The following NFATC3 variants were observed in gnomAD, a reference collection of about 807,000 sequenced individuals.
NFATC3 encodes the protein nuclear factor of activated T cells 3, also known as nuclear factor of activated T-cells, cytoplasmic 3.
In NFATC3, 46 loss-of-function variants were observed where a neutral mutation model predicts 98.6. That is an observed-to-expected ratio of 0.47 (90% CI 0.37 to 0.60). The LOEUF is 0.60. NFATC3 is among the 20% of genes least tolerant of loss of function. The pLI is 0.00. For missense variants in NFATC3, 1,256 were observed against 1,295.5 expected, an observed-to-expected ratio of 0.97 and a Z score of 0.47; for synonymous variants, 512 against 472.2, an observed-to-expected ratio of 1.08 and a Z score of -1.09.
intron 5 of NFATC3, among the ~76,000 whole-genome samples, chr16:68,173,212 ATC>A (rs2039545059): frequency 6.6e-6 from 1 of 151,992 alleles, no homozygotes; most frequent in South Asian, 2.1e-4. Flanking sequence ...CAGTGAGCTG[ATC>A]ATGCCACACT....
chr16:68,170,886 C>CTT (rs34579856), intron 5 of NFATC3, among the ~76,000 whole-genome samples: 27,963 of 152,038 alleles, frequency 0.18, 2,929 homozygotes, highest in African/African-American at 0.28. Flanking sequence ...AGTTTTATAT[C>CTT]GTTTTGCAGT....
intron 9 of NFATC3, among the ~76,000 whole-genome samples, chr16:68,222,072 T>C (rs902184526): frequency 9.9e-5 from 15 of 151,554 alleles, no homozygotes; most frequent in African/African-American, 3.6e-4. Flanking sequence ...GGAGGATCAC[T>C]TGAGTCCAGG....
rs971156654 is a variant in NFATC3 at position 68,170,112 on chromosome 16, G to T, written c.1774+3097G>T. Reference sequence around the variant, plus strand: ...GAGAATATAGAAAATGCAAAATGGGGCTGGGCATGGTGGCTCACGCCTGTA... The same window carrying T: ...GAGAATATAGAAAATGCAAAATGGGTCTGGGCATGGTGGCTCACGCCTGTA... On this transcript the variant is annotated intron_variant, in intron 5 of 9. Transcript: ENST00000346183. 2.6e-4 allele frequency among the ~76,000 whole-genome samples: 39 copies of T among 151,844 alleles called. 1 individual carries two copies. Among genetic ancestry groups the T allele is most frequent in the Admixed American group, 4.6e-4 (7 of 15,228 alleles).
In NFATC3 at chr16:68,191,476, G is replaced by C. The variant is rs751108001; in HGVS notation, c.2807G>C (p.Ser936Thr). 1 of 1,614,106 alleles carries C rather than the reference G, an allele frequency of 6.2e-7. No individual in the cohort carries two copies. Among genetic ancestry groups the C allele is most frequent in the East Asian group, 2.2e-5 (1 of 44,886 alleles). ...CCAGCAGCTTCTCATCCCTTGGCTA[G>C]TTCACCGCTTTCTGGGCCACCATCT... ...ASPAASHPLA[S>T]SPLSGPPSPQ... The change falls in exon 9 of 10, where the codon AGT (serine) becomes ACT (threonine). Residue 936 changes from serine to threonine, a missense_variant. Ser to Thr is a moderately conservative substitution (Grantham distance 58). Around this residue, in one of 3 missense-constraint regions of NFATC3, gnomAD observed 636 missense variants for 617.3 expected, o/e 1.03. Transcript: ENST00000346183.
chr16:68,099,457 C>T (rs1024757289), intron 1 of NFATC3, among the ~76,000 whole-genome samples: 3 of 151,436 alleles, frequency 2.0e-5, no homozygotes, highest in Non-Finnish European at 2.9e-5. Flanking sequence ...ATATATTAGC[C>T]GGGCATGGTG....
At chr16:68,150,424 A>G (rs962034690) in intron 3 of NFATC3, among the ~76,000 whole-genome samples, 2 of 151,212 alleles carry the variant, frequency 1.3e-5, no homozygotes, top group African/African-American at 4.9e-5. Context: ...AAAAAAAAAA[A>G]AAAAAAAAAA....
chr16:68,217,787 A>G (rs1216890328), intron 9 of NFATC3: 2 of 1,231,524 alleles, frequency 1.6e-6, no homozygotes, highest in African/African-American at 1.6e-5. Flanking sequence ...AGGGAGGAAG[A>G]AGGAGGCCAA....
At chr16:68,088,439 T>C (rs1186638218) in intron 1 of NFATC3, among the ~76,000 whole-genome samples, 1 of 146,208 alleles carries the variant, frequency 6.8e-6, no homozygotes, top group Non-Finnish European at 1.5e-5. Context: ...TCATATACTA[T>C]ATAATATATA....
chr16:68,154,810 G>A (rs1474424157), intron 3 of NFATC3, among the ~76,000 whole-genome samples: 1 of 152,224 alleles, frequency 6.6e-6, no homozygotes, highest in Non-Finnish European at 1.5e-5. Flanking sequence ...TTCAGCCAGG[G>A]CCCTAATCAC....
chr16:68,096,059 A>G (rs1255523691), intron 1 of NFATC3, among the ~76,000 whole-genome samples: 1 of 152,126 alleles, frequency 6.6e-6, no homozygotes, highest in African/African-American at 2.4e-5. Context: ...TCAATCATAG[A>G]TCACTGCAGT....
chr16:68,219,348 A>T (rs889223960), intron 9 of NFATC3, among the ~76,000 whole-genome samples: 1 of 152,028 alleles, frequency 6.6e-6, no homozygotes, highest in Admixed American at 6.6e-5. Context: ...ATGCCACTGC[A>T]CTCCAGCCTA....
chr16:68,220,875 C>T (rs1467500158), intron 9 of NFATC3, among the ~76,000 whole-genome samples: 2 of 151,052 alleles, frequency 1.3e-5, no homozygotes, highest in African/African-American at 2.4e-5. Flanking sequence ...GCTGAGATTG[C>T]GCCACCGCAC....
intron 3 of NFATC3, chr16:68,138,495 T>C (rs1445511724): frequency 7.9e-7 from 1 of 1,263,576 alleles, no homozygotes; most frequent in African/African-American, 1.6e-5. Flanking sequence ...GCATTTTCTT[T>C]CAAATTGTTG....
chr16:68,182,702 A>G (rs566715814), intron 7 of NFATC3, among the ~76,000 whole-genome samples: 1 of 151,994 alleles, frequency 6.6e-6, no homozygotes, highest in East Asian at 1.9e-4. Context: ...TATTTTTAGT[A>G]GAGATAGGGT....
intron 9 of NFATC3, among the ~76,000 whole-genome samples, chr16:68,210,024 G>A (rs898542779): frequency 6.6e-6 from 1 of 151,622 alleles, no homozygotes; most frequent in Non-Finnish European, 1.5e-5. Context: ...ATGGCCAGGT[G>A]CAGTGGCTCG....
chr16:68,214,813 A>G (rs528011796), intron 9 of NFATC3, among the ~76,000 whole-genome samples: 2 of 152,176 alleles, frequency 1.3e-5, no homozygotes. Flanking sequence ...ATGTGAATGA[A>G]ATCAGGAAAT....
chr16:68,112,700 G>A (rs1358126999), intron 1 of NFATC3, among the ~76,000 whole-genome samples: 6 of 128,942 alleles, frequency 4.7e-5, no homozygotes, highest in African/African-American at 8.8e-5. Context: ...CGCCCAGGCC[G>A]GACTGCGGAC....
At chr16:68,151,790 C>T (rs1476581975) in intron 3 of NFATC3, among the ~76,000 whole-genome samples, 3 of 152,150 alleles carry the variant, frequency 2.0e-5, no homozygotes, top group African/African-American at 7.2e-5. Flanking sequence ...CATTCTAAGT[C>T]GGGCACAGTG....
Position 68,206,567 on chromosome 16 carries a change from C to T in NFATC3, c.3106+14792C>T, listed in dbSNP as rs73612252. Among the ~76,000 whole-genome samples the T allele has an allele frequency of 5.0e-3, 768 of 152,108 alleles. 8 individuals are homozygous for T. Among genetic ancestry groups the T allele is most frequent in the African/African-American group, 0.017 (726 of 41,486 alleles). ...AAGGCTCATCCATATTGTAAGCATA[C>T]GGAGGAATAATCTATTGGAATATTT... is the stretch of plus-strand genomic sequence containing the variant. On this transcript the variant is annotated intron_variant, in intron 9 of 9. Coordinates refer to ENST00000346183, the MANE Select transcript of NFATC3 (RefSeq NM_173165.3).
Sources: allele counts gnomAD v4.1 joint callset (sites outside exome capture counted in the v4.1 genomes callset), GRCh38; gene constraint gnomAD v4.1.1; regional missense constraint gnomAD v4.1.1; transcripts MANE v1.5; gene names NCBI Gene and HGNC (gene_info 2026-07-23, HGNC 2026-07-21).